The following CAND1 variants were observed in gnomAD, a reference collection of about 807,000 sequenced individuals.
CAND1 encodes the protein cullin associated and neddylation dissociated 1.
CAND1 carries 7 observed loss-of-function variants against 108.5 expected under a neutral mutation model. The observed-to-expected ratio is 0.06, with a 90% CI of 0.04 to 0.12. The LOEUF (loss-of-function observed/expected upper bound fraction) is 0.12, where lower values mean the gene tolerates loss of function less well. Ranked by LOEUF, CAND1 falls within the 10% of genes least tolerant of loss-of-function variation. CAND1 has a pLI of 1.00. For missense variants in CAND1, 941 were observed against 1,448.7 expected, an observed-to-expected ratio of 0.65 and a Z score of 5.69; for synonymous variants, 534 against 512.0, an observed-to-expected ratio of 1.04 and a Z score of -0.58.
At chr12:67,310,339 T>C (rs2044935552) in intron 13 of CAND1, 23 bp downstream of exon 13, 1 of 1,540,690 alleles carries the variant, frequency 6.5e-7, no homozygotes, top group East Asian at 2.3e-5. Flanking sequence ...TGCCTATTTA[T>C]ACAATGTTTT....
At chr12:67,286,071 G>A (rs559673435) in intron 2 of CAND1, among the ~76,000 whole-genome samples, 181 of 152,132 alleles carry the variant, frequency 1.2e-3, no homozygotes, top group African/African-American at 4.0e-3. Context: ...GCAGTGGCTG[G>A]ATCTCTGCTC....
In CAND1 at chr12:67,269,652, C is replaced by CGGG; in HGVS notation, c.-64_-63insGGG. The CGGG allele has an allele frequency of 7.1e-7, 1 of 1,415,870 alleles. No individual in the cohort carries two copies. Among genetic ancestry groups the CGGG allele is most frequent in the Non-Finnish European group, 9.8e-7 (1 of 1,021,498 alleles). The allele number at this position is 1,415,870 out of a possible 1,614,324, so 87.7% of individuals were successfully genotyped here. ...AGAGGAGGAGCTCCAGTGGCGGCGG[C>CGGG]GGCGGCGGCAGCGGCAGCGGGCAGC... On this transcript the variant is annotated 5_prime_UTR_variant, in exon 1 of 15. Transcript: ENST00000545606.
In CAND1 at chr12:67,312,208, A is replaced by G. The variant is rs758963507; in HGVS notation, c.3469-398A>G. Among the ~76,000 whole-genome samples the G allele has an allele frequency of 1.1e-4, 17 of 151,954 alleles. 1 individual carries two copies. The highest frequency in any genetic ancestry group is 1.0e-3 in the South Asian group (5 of 4,832). On this transcript the variant is annotated intron_variant, in intron 14 of 14. Coordinates refer to ENST00000545606, the MANE Select transcript of CAND1 (RefSeq NM_018448.5). ...ACCAAGAAGATGAAACGGGCTTTGA[A>G]TAAAGGCCTGGAGATGTCATCATAT... is the stretch of plus-strand genomic sequence containing the variant.
At chr12:67,283,927 A>G (rs1052966384) in intron 2 of CAND1, among the ~76,000 whole-genome samples, 7 of 152,292 alleles carry the variant, frequency 4.6e-5, no homozygotes, top group South Asian at 2.1e-4. Flanking sequence ...GAATTAGGAT[A>G]TAAATAAATA....
chr12:67,269,524 G>A lies in CAND1; in HGVS notation c.-194G>A, dbSNP rs989937042. The stretch of plus-strand genomic sequence containing the variant: ...GCTCTGTAGCCTCGGCTTACCCCGG[G>A]ACAGGCCCACGCCTCGCCAGGGAGG... On this transcript the variant is annotated 5_prime_UTR_variant, in exon 1 of 15. Coordinates refer to ENST00000545606, the MANE Select transcript of CAND1 (RefSeq NM_018448.5). 1.8e-6 allele frequency: 1 copy of A among 560,984 alleles called. No homozygotes were observed. The highest frequency in any genetic ancestry group is 3.3e-5 in the East Asian group (1 of 30,276). The allele number at this position is 560,984 out of a possible 1,614,324, so 34.8% of individuals were successfully genotyped here.
In CAND1 at chr12:67,312,923, A is replaced by T; in HGVS notation, c.*93A>T. ...AGACATGGAAAGAGAAGTGTCTAAA[A>T]GCTTCAAAATGTTCCACTTTTTTTT... On this transcript the variant is annotated 3_prime_UTR_variant, in exon 15 of 15. Coordinates refer to ENST00000545606, the MANE Select transcript of CAND1 (RefSeq NM_018448.5). The T allele has an allele frequency of 1.2e-6, 1 of 817,812 alleles. No individual in the cohort carries two copies. Among genetic ancestry groups the T allele is most frequent in the Non-Finnish European group, 1.9e-6 (1 of 536,074 alleles). The allele number at this position is 817,812 out of a possible 1,614,324, so 50.7% of individuals were successfully genotyped here. A position where few individuals can be genotyped will look rare whatever the true frequency, so the allele number is the denominator to read the frequency against.
chr12:67,306,000 A>T lies in CAND1; in HGVS notation c.2332A>T (p.Met778Leu). The T allele has an allele frequency of 6.2e-7, 1 of 1,614,152 alleles. No individual in the cohort carries two copies. The highest frequency in any genetic ancestry group is 8.5e-7 in the Non-Finnish European group (1 of 1,180,006). ...NNLGYMDLLR[M>L]LTGPVYSQST... ...TTTAGGATACATGGATTTGTTGCGC[A>T]TGCTGACTGGTCCAGTTTACTCTCA... Residue 778 changes from methionine (M) to leucine (L), a missense_variant, in exon 10 of 15, where the codon ATG (methionine) becomes TTG (leucine). Physicochemically the swap from Met to Leu is conservative, Grantham distance 15. This residue lies in a region of CAND1 where 697 missense variants were observed against 942.0 expected (regional missense o/e 0.74). Coordinates refer to ENST00000545606, the MANE Select transcript of CAND1 (RefSeq NM_018448.5). The surrounding 1 kb of genome is among the most constrained non-coding windows in gnomAD (Gnocchi z 4.4).
Position 67,317,238 on chromosome 12 carries a change from TGATTCTCCCACCTC to T in CAND1, c.*4409_*4422del, listed in dbSNP as rs2045015627. ...TGCACCTCAGCTTCCTGGGCACAAG[TGATTCTCCCACCTC>T]AGCCTCCCGAGTAGCTGGGAGTATA... On this transcript the variant is annotated 3_prime_UTR_variant, in exon 15 of 15. Coordinates refer to ENST00000545606, the MANE Select transcript of CAND1 (RefSeq NM_018448.5). 6.6e-6 allele frequency: 1 copy of T among 152,204 alleles called. No homozygotes were observed. Among genetic ancestry groups the T allele is most frequent in the Admixed American group, 6.6e-5 (1 of 15,256 alleles). The allele number at this position is 152,204 out of a possible 1,614,324, so 9.4% of individuals were successfully genotyped here.
chr12:67,295,281 T>G, intron 4 of CAND1, 125 bp downstream of exon 4: 1 of 830,016 alleles, frequency 1.2e-6, no homozygotes, highest in Non-Finnish European at 1.8e-6. Context: ...GGTGGCTGTT[T>G]TATCAATTTG....
At chr12:67,309,395 T>A (rs2044925087) in intron 11 of CAND1, among the ~76,000 whole-genome samples, 1 of 152,046 alleles carries the variant, frequency 6.6e-6, no homozygotes, top group Non-Finnish European at 1.5e-5. Context: ...AAAGTAGGGC[T>A]TTTGGAGGCA....
At chr12:67,311,219 C>T (rs2044945400) in intron 13 of CAND1, 1 of 112,112 alleles carries the variant, frequency 8.9e-6, no homozygotes, top group Non-Finnish European at 2.1e-5. Context: ...AGTTTATAGT[C>T]CAAGAGAAAA....
Position 67,306,474 on chromosome 12 carries a change from T to C in CAND1, c.2806T>C (p.Leu936=). ...KPYVENIWAL[L]LKHCECAEEG... The stretch of plus-strand genomic sequence containing the variant: ...ATATGTTGAAAACATCTGGGCCTTA[T>C]TACTAAAGCACTGTGAGTGTGCAGA... The change falls in exon 10 of 15, where the codon TTA becomes CTA. Residue 936 remains leucine, a synonymous_variant. Coordinates refer to ENST00000545606, the MANE Select transcript of CAND1 (RefSeq NM_018448.5). The C allele has an allele frequency of 1.9e-6, 3 of 1,614,074 alleles. No homozygotes were observed. Among genetic ancestry groups the C allele is most frequent in the African/African-American group, 2.7e-5 (2 of 75,048 alleles).
intron 3 of CAND1, among the ~76,000 whole-genome samples, chr12:67,293,565 C>T (rs1261899024): frequency 2.0e-5 from 3 of 152,014 alleles, no homozygotes; most frequent in East Asian, 1.9e-4. Flanking sequence ...ACCAGCCTGA[C>T]CAACATGGAG....
At position 67,300,220 on chromosome 12, in the gene CAND1, TTTC is replaced by T. The variant is rs1200280928; in HGVS notation, c.1000+1135_1000+1137del. On this transcript the variant is annotated intron_variant, in intron 7 of 14. Transcript: ENST00000545606. ...GTGATTACTCCAGTCTTCGATGCTG[TTTC>T]TTCTTCTTCACCCTGACCACTGTAC... Among the ~76,000 whole-genome samples the T allele has an allele frequency of 2.0e-5, 3 of 152,260 alleles. No homozygotes were observed. In the East Asian group the frequency reaches 5.8e-4, roughly 29 times the overall value.
intron 12 of CAND1, 27 bp from the exon 13 acceptor site, chr12:67,310,125 T>C: frequency 6.2e-7 from 1 of 1,610,622 alleles, no homozygotes; most frequent in South Asian, 1.1e-5. Flanking sequence ...GTATTGTATA[T>C]CCACACGTTC....
rs1257019655 is a variant in CAND1, at chr12:67,317,922, C to T, written c.*5092C>T. On this transcript the variant is annotated 3_prime_UTR_variant, in exon 15 of 15. Coordinates refer to ENST00000545606, the MANE Select transcript of CAND1 (RefSeq NM_018448.5). ...AGTCATCATCTTGCCCTGGTTTTTC[C>T]TGTCTCTTTGCTGATGGCATCCCAT... The T allele has an allele frequency of 6.6e-6, 1 of 152,234 alleles. No homozygotes were observed. Among genetic ancestry groups the T allele is most frequent in the Non-Finnish European group, 1.5e-5 (1 of 68,092 alleles). The allele number at this position is 152,234 out of a possible 1,614,324, so 9.4% of individuals were successfully genotyped here.
intron 2 of CAND1, among the ~76,000 whole-genome samples, chr12:67,284,794 T>C (rs73320722): frequency 0.014 from 2,073 of 147,210 alleles, 41 homozygotes; most frequent in African/African-American, 0.048. Context: ...CACACACACA[T>C]ACACACACTT....
intron 2 of CAND1, among the ~76,000 whole-genome samples, chr12:67,292,093 C>T (rs888810197): frequency 2.0e-5 from 3 of 152,098 alleles, no homozygotes; most frequent in African/African-American, 7.2e-5. Context: ...TCTCGAACTC[C>T]TGGCCTCAAG....
At chr12:67,270,008 G>A in intron 1 of CAND1, 1 of 508,994 alleles carries the variant, frequency 2.0e-6, no homozygotes. Context: ...GTTGCCCGCC[G>A]CGGTCTCTAG....
Sources: gnomAD v4.1 joint callset for allele counts (sites outside exome capture counted in the v4.1 genomes callset) on GRCh38, gnomAD v4.1.1 for gene constraint, gnomAD v4.1.1 regional missense constraint, Gnocchi (gnomAD v3.1) non-coding constraint, MANE v1.5 for transcripts, NCBI Gene and HGNC (gene_info 2026-07-23, HGNC 2026-07-21) for gene names.